The following NUP133 variants were observed in gnomAD, a reference collection of about 807,000 sequenced individuals.
The protein encoded by NUP133 is nuclear pore complex protein Nup133.
NUP133 carries 66 observed loss-of-function variants against 146.2 expected under a neutral mutation model. The ratio of observed to expected loss-of-function variants is 0.45; its 90% CI spans 0.37 to 0.55. The LOEUF is 0.55. NUP133 is among the 20% of genes least tolerant of loss of function. The pLI is 0.00. For missense variants in NUP133, 1,277 were observed against 1,374.8 expected (o/e 0.93, Z 1.12); for synonymous variants, 521 against 498.8 (o/e 1.04, Z -0.59).
At chr1:229,454,625 A>G (rs901237596) in intron 21 of NUP133, among the ~76,000 whole-genome samples, 1 of 152,254 alleles carries the variant, frequency 6.6e-6, no homozygotes, top group African/African-American at 2.4e-5. Context: ...TTGTGCTAAC[A>G]GTCTGTAGAA....
intron 25 of NUP133, among the ~76,000 whole-genome samples, chr1:229,444,098 T>G (rs1480573943): frequency 1.3e-5 from 2 of 152,002 alleles, no homozygotes; most frequent in African/African-American, 2.4e-5. Flanking sequence ...TTTGGGAGGC[T>G]GAGGCGGGCA....
chr1:229,485,866 T>A, intron 11 of NUP133, among the ~76,000 whole-genome samples: 1 of 152,078 alleles, frequency 6.6e-6, no homozygotes, highest in East Asian at 1.9e-4. Context: ...AATAATCTGA[T>A]AAAACTAAAA....
In NUP133 at chr1:229,465,004, A is replaced by G. The variant is rs1227294529; in HGVS notation, c.2300-129T>C. On this transcript the variant is annotated intron_variant, in intron 17 of 25. Transcript: ENST00000261396. ...ATTACATTGAACAGGGATTCAGGTGATACCTGTCAATGCCCTGCTTGAATC... is the reference window on the plus strand; with the variant it reads ...ATTACATTGAACAGGGATTCAGGTGGTACCTGTCAATGCCCTGCTTGAATC... 7 of 1,049,860 alleles carry G rather than the reference A, an allele frequency of 6.7e-6. No individual in the cohort carries two copies. In the African/African-American group the frequency reaches 9.5e-5, roughly 14 times the overall value. 65.0% of individuals were successfully genotyped at this position (1,049,860 alleles called of 1,614,324 possible). A position where few individuals can be genotyped will look rare whatever the true frequency, so the allele number is the denominator to read the frequency against.
intron 25 of NUP133, among the ~76,000 whole-genome samples, chr1:229,443,285 C>T (rs1660224486): frequency 1.3e-5 from 2 of 152,040 alleles, no homozygotes; most frequent in South Asian, 2.1e-4. Context: ...AGGGATTCTC[C>T]TGCCTCGGCC....
intron 2 of NUP133, among the ~76,000 whole-genome samples, chr1:229,502,558 C>CAAA (rs58520087): frequency 0.028 from 1,180 of 42,878 alleles, 82 homozygotes; most frequent in African/African-American, 0.092. Flanking sequence ...GACTCCATCT[C>CAAA]AAAAAAAAAA....
intron 11 of NUP133, among the ~76,000 whole-genome samples, chr1:229,484,644 T>C (rs1046342699): frequency 1.3e-5 from 2 of 152,222 alleles, no homozygotes; most frequent in Admixed American, 6.5e-5. Context: ...GGTTTGCTCT[T>C]ACACGACTCA....
rs1318862495 is a variant in NUP133, at chr1:229,449,006, G to A, written c.3245+120C>T. On this transcript the variant is annotated intron_variant, in intron 24 of 25. Coordinates refer to ENST00000261396, the MANE Select transcript of NUP133 (RefSeq NM_018230.3). Reference sequence around the variant, plus strand: ...AGAACTCACTGGTTGCCCAGTGTAGGAGGTGGGAAATCCCAACACGTCTGG... The same window carrying A: ...AGAACTCACTGGTTGCCCAGTGTAGAAGGTGGGAAATCCCAACACGTCTGG... 9.7e-5 allele frequency: 73 copies of A among 750,662 alleles called. 1 individual carries two copies. The South Asian group carries it at 1.1e-3, about 11-fold the overall frequency. 46.5% of individuals were successfully genotyped at this position (750,662 alleles called of 1,614,324 possible).
At chr1:229,455,514 T>C (rs1290812284) in intron 21 of NUP133, among the ~76,000 whole-genome samples, 3 of 152,178 alleles carry the variant, frequency 2.0e-5, no homozygotes, top group African/African-American at 4.8e-5. Flanking sequence ...TGAGCCATGA[T>C]TGTGCCACTG....
chr1:229,458,317 C>T (rs1660614079), intron 20 of NUP133, 21 bp from the exon 21 acceptor site: 1 of 1,608,032 alleles, frequency 6.2e-7, no homozygotes, highest in Non-Finnish European at 8.5e-7. Flanking sequence ...ATATGCAAAC[C>T]ATCGTAAGAT....
At chr1:229,450,444 C>A in intron 23 of NUP133, 81 bp downstream of exon 23, 6 of 653,750 alleles carry the variant, frequency 9.2e-6, no homozygotes, top group Admixed American at 6.0e-5. Context: ...AATTCATTTT[C>A]ATGATTGACT....
chr1:229,486,810 T>C (rs891150514), intron 10 of NUP133, among the ~76,000 whole-genome samples: 2 of 151,904 alleles, frequency 1.3e-5, no homozygotes, highest in Admixed American at 1.3e-4. Context: ...AAGAAAATTA[T>C]TCCTTCTGCA....
chr1:229,470,263 G>C (rs987584205), intron 15 of NUP133, among the ~76,000 whole-genome samples: 3 of 149,992 alleles, frequency 2.0e-5, no homozygotes, highest in Non-Finnish European at 4.4e-5. Context: ...ACTGGAACCC[G>C]GGCAACAGAG....
chr1:229,507,816 T>A (rs966295637), intron 1 of NUP133: 2 of 676,516 alleles, frequency 3.0e-6, no homozygotes, highest in African/African-American at 2.0e-5. Context: ...TAAACACTGA[T>A]GCAAATCCAG....
intron 19 of NUP133, among the ~76,000 whole-genome samples, chr1:229,461,880 T>A (rs4925453): frequency 0.27 from 41,211 of 151,134 alleles, 7,432 homozygotes; most frequent in African/African-American, 0.51. Flanking sequence ...CATGTCCAAC[T>A]ACTGACCTTT....
intron 14 of NUP133, among the ~76,000 whole-genome samples, chr1:229,471,664 T>C (rs1558097166): frequency 6.6e-6 from 1 of 152,168 alleles, no homozygotes; most frequent in Non-Finnish European, 1.5e-5. Context: ...TAACCTGAAC[T>C]AGGAAAGAGC....
chr1:229,470,610 G>T lies in NUP133; in HGVS notation c.2046C>A (p.Asn682Lys). The part of the protein sequence containing the change: ...LNKREYEIPS[N>K]LTPADVFFRE... The stretch of plus-strand genomic sequence containing the variant: ...TGAAAAAGACATCTGCAGGAGTCAG[G>T]TTGGATGGGATTTCATACTCCCTCT... The change falls in exon 15 of 26, where the codon AAC becomes AAA. Residue 682 changes from asparagine (N) to lysine (K), a missense_variant. Transcript: ENST00000261396. 2 of 1,614,194 alleles carry T rather than the reference G, an allele frequency of 1.2e-6. No individual in the cohort carries two copies. The highest frequency in any genetic ancestry group is 1.7e-6 in the Non-Finnish European group (2 of 1,180,026).
chr1:229,465,541 T>TATC (rs145737158), intron 16 of NUP133, 22 bp from the exon 17 acceptor site: 73,692 of 1,511,876 alleles, frequency 0.049, 2,203 homozygotes, highest in Non-Finnish European at 0.058. Flanking sequence ...GTTAATGTGT[T>TATC]ATCACATGCA....
At chr1:229,500,570 G>T (rs994956426) in intron 4 of NUP133, among the ~76,000 whole-genome samples, 186 bp downstream of exon 4, 1 of 152,132 alleles carries the variant, frequency 6.6e-6, no homozygotes, top group Non-Finnish European at 1.5e-5. Flanking sequence ...GCCTTTATGT[G>T]GATCTATAAC....
At chr1:229,506,313 A>G (rs1661934876) in intron 1 of NUP133, among the ~76,000 whole-genome samples, 155 bp from the exon 2 acceptor site, 1 of 152,090 alleles carries the variant, frequency 6.6e-6, no homozygotes, top group Admixed American at 6.5e-5. Context: ...TTTCATGTAA[A>G]AAAAAAACAA....
Sources: allele counts gnomAD v4.1 joint callset (sites outside exome capture counted in the v4.1 genomes callset), GRCh38; gene constraint gnomAD v4.1.1; transcripts MANE v1.5; gene names NCBI Gene and HGNC (gene_info 2026-07-23, HGNC 2026-07-21).